Variants in MEP1A observed in about 807,000 individuals in gnomAD.
MEP1A encodes N-benzoyl-L-tyrosyl-P-amino-benzoic acid hydrolase subunit alpha.
Under a neutral mutation model 84.5 loss-of-function variants are expected in MEP1A, and 68 were observed. That is an observed-to-expected ratio of 0.80 (90% CI 0.66 to 0.98). The LOEUF is 0.98. Among genes scored for constraint, MEP1A ranks in the 50% least tolerant of loss-of-function variants. The pLI, the probability that MEP1A is intolerant of heterozygous loss-of-function variation, is 0.00. For synonymous variants in MEP1A, 337 were observed against 336.8 expected (o/e 1.00, Z -0.01); for missense variants, 887 against 919.9 (o/e 0.96, Z 0.46).
chr6:46,806,216 T>C (rs879700090), intron 5 of MEP1A, among the ~76,000 whole-genome samples: 15 of 152,062 alleles, frequency 9.9e-5, no homozygotes, highest in Non-Finnish European at 1.3e-4. Flanking sequence ...AGTTATTGCT[T>C]TTACTAATAT....
At position 46,825,237 on chromosome 6, in the gene MEP1A, G is replaced by T; in HGVS notation, c.557-35G>T. 2.1e-6 allele frequency: 3 copies of T among 1,433,496 alleles called. No homozygotes were observed. The South Asian group carries it at 3.7e-5, about 18-fold the overall frequency. 88.8% of individuals were successfully genotyped at this position (1,433,496 alleles called of 1,614,324 possible). ...AAGAGTAGCATGGGGAAAATAACAT[G>T]ACTGAGAAGGACCTGTGGATTCTCT... On this transcript the variant is annotated intron_variant, in intron 7 of 13. Coordinates refer to ENST00000230588, the MANE Select transcript of MEP1A (RefSeq NM_005588.3).
downstream of MEP1A, among the ~76,000 whole-genome samples, chr6:46,842,223 A>C (rs1182820581): frequency 6.6e-6 from 1 of 152,208 alleles, no homozygotes; most frequent in Non-Finnish European, 1.5e-5. Flanking sequence ...AAATCAGTGC[A>C]CCTTGAAAAA....
rs140833112 is a variant in MEP1A at position 46,797,848 on chromosome 6, T to C, written c.146-758T>C. On this transcript the variant is annotated intron_variant, in intron 3 of 13. Transcript: ENST00000230588. ...TTTCTTTCTTTCTTTCTCTCTCTCTTTCTTTCTTTCTTACTTTCTACCTTT... is the reference window on the plus strand; with the variant it reads ...TTTCTTTCTTTCTTTCTCTCTCTCTCTCTTTCTTTCTTACTTTCTACCTTT... Among the ~76,000 whole-genome samples, 342 of 137,444 alleles carry C rather than the reference T, an allele frequency of 2.5e-3. 3 individuals are homozygous for C. The highest frequency in any genetic ancestry group is 8.0e-3 in the African/African-American group (302 of 37,856). The allele number at this position is 137,444 out of a possible 152,430, so 90.2% of individuals were successfully genotyped here.
At chr6:46,823,586 TG>T (rs1562112766) in intron 7 of MEP1A, among the ~76,000 whole-genome samples, 2 of 152,174 alleles carry the variant, frequency 1.3e-5, no homozygotes, top group Non-Finnish European at 1.5e-5. Flanking sequence ...CACACCAGCC[TG>T]GGCAACAGAG....
rs781700681 is a variant in MEP1A, at chr6:46,833,454, A to G, written c.1525A>G (p.Thr509Ala). 7 of 1,614,192 alleles carry G rather than the reference A, an allele frequency of 4.3e-6. No homozygotes were observed. The highest frequency in any genetic ancestry group is 5.9e-6 in the Non-Finnish European group (7 of 1,180,044). The change falls in exon 11 of 14, where the codon ACC (threonine) becomes GCC (alanine). Residue 509 changes from threonine (T) to alanine (A), a missense_variant. Coordinates refer to ENST00000230588, the MANE Select transcript of MEP1A (RefSeq NM_005588.3). ...GGTAGAAAACAGACAGGTGATAATT[A>G]CCATCCTTGACCAGGAGCCTGATGT... ...WPVENRQVII[T>A]ILDQEPDVRN...
chr6:46,819,595 T>C lies in MEP1A; in HGVS notation c.447T>C (p.Tyr149=), dbSNP rs139148006. The part of the protein sequence containing the change: ...QNISIGQGCA[Y]KAIIEHEILH... The stretch of plus-strand genomic sequence containing the variant: ...TTTCCATTGGCCAAGGATGTGCCTA[T>C]AAGGCCATCATAGAACACGAGATCC... Residue 149 remains tyrosine (Y), a synonymous_variant, in exon 7 of 14, where the codon TAT becomes TAC. Transcript: ENST00000230588. 41 of 1,614,008 alleles carry C rather than the reference T, an allele frequency of 2.5e-5. No individual in the cohort carries two copies. The African/African-American group carries it at 3.5e-4, about 14-fold the overall frequency.
At chr6:46,815,356 G>A (rs1047176407) in intron 6 of MEP1A, among the ~76,000 whole-genome samples, 1 of 152,160 alleles carries the variant, frequency 6.6e-6, no homozygotes, top group African/African-American at 2.4e-5. Context: ...CATACAGGTT[G>A]CCAAGGAAGT....
Position 46,835,234 on chromosome 6 carries a change from CT to C in MEP1A, c.1784-14del. 1 of 1,570,452 alleles carries C rather than the reference CT, an allele frequency of 6.4e-7. No homozygotes were observed. The highest frequency in any genetic ancestry group is 8.6e-7 in the Non-Finnish European group (1 of 1,161,514). ...CTAATCCTGGATCTTCCTCATGACT[CT>C]CTATTTCCTGAAGATATCACCCACC... On this transcript the variant is annotated splice_polypyrimidine_tract_variant and intron_variant, in intron 12 of 13. Transcript: ENST00000230588.
intron 6 of MEP1A, among the ~76,000 whole-genome samples, chr6:46,816,137 C>T (rs1767628726): frequency 6.6e-6 from 1 of 151,844 alleles, no homozygotes; most frequent in Non-Finnish European, 1.5e-5. Context: ...GGGGTTTCAC[C>T]ATGTTGGCCA....
intron 10 of MEP1A, 100 bp downstream of exon 10, chr6:46,829,671 C>T: frequency 1.2e-6 from 1 of 830,716 alleles, no homozygotes; most frequent in East Asian, 2.5e-5. Context: ...CTTCTTCTCT[C>T]TCCTCCTCCT....
chr6:46,830,794 T>A (rs1179693186), intron 10 of MEP1A, among the ~76,000 whole-genome samples: 1 of 152,160 alleles, frequency 6.6e-6, no homozygotes, highest in African/African-American at 2.4e-5. Context: ...ACTCTACAAA[T>A]CACAGTTTTG....
intron 10 of MEP1A, 27 bp downstream of exon 10, chr6:46,829,598 T>C: frequency 6.5e-6 from 10 of 1,550,274 alleles, no homozygotes; most frequent in Non-Finnish European, 8.9e-6. Context: ...ACACGAGGAA[T>C]GGATTGGGTT....
chr6:46,833,213 A>G lies in MEP1A; in HGVS notation c.1284A>G (p.Glu428=), dbSNP rs1768116497. 1 of 1,612,998 alleles carries G rather than the reference A, an allele frequency of 6.2e-7. No individual in the cohort carries two copies. The highest frequency in any genetic ancestry group is 8.5e-7 in the Non-Finnish European group (1 of 1,179,434). The change falls in exon 11 of 14, where the codon GAA becomes GAG. Residue 428 remains glutamate (E), a synonymous_variant. Transcript: ENST00000230588. ...GIYLDDITLT[E]TPCPTGVWTV... ...ACCTAGATGACATCACTCTGACAGA[A>G]ACCCCCTGCCCCACAGGGGTCTGGA...
chr6:46,793,519 A>G, intron 1 of MEP1A, 33 bp from the exon 2 acceptor site: 1 of 1,577,004 alleles, frequency 6.3e-7, no homozygotes, highest in Non-Finnish European at 8.7e-7. Context: ...TCTAGTATAC[A>G]TTATCCATTT....
At chr6:46,844,492 C>T (rs1263444149), downstream of MEP1A, among the ~76,000 whole-genome samples, 1 of 152,128 alleles carries the variant, frequency 6.6e-6, no homozygotes, top group African/African-American at 2.4e-5. Flanking sequence ...TCACAGCATA[C>T]CTTAGGGCCT....
At chr6:46,826,126 T>A (rs1215486905) in intron 8 of MEP1A, among the ~76,000 whole-genome samples, 2 of 152,192 alleles carry the variant, frequency 1.3e-5, no homozygotes, top group Admixed American at 1.3e-4. Flanking sequence ...TGGCAGAGAA[T>A]GATTATAGTT....
At position 46,826,257 on chromosome 6, in the gene MEP1A, T is replaced by C. The variant is rs946094724; in HGVS notation, c.779-97T>C. On this transcript the variant is annotated intron_variant, in intron 8 of 13. Transcript: ENST00000230588. ...TCAAGATAACAAGCTTGTGATCCTGTCATATCTGAACAATGAGGTTTTAGT... is the reference window on the plus strand; with the variant it reads ...TCAAGATAACAAGCTTGTGATCCTGCCATATCTGAACAATGAGGTTTTAGT... The C allele has an allele frequency of 1.2e-4, 129 of 1,112,342 alleles. No individual in the cohort carries two copies. In the African/African-American group the frequency reaches 1.8e-3, roughly 15 times the overall value. The allele number at this position is 1,112,342 out of a possible 1,614,324, so 68.9% of individuals were successfully genotyped here.
At chr6:46,815,995 G>A in intron 6 of MEP1A, among the ~76,000 whole-genome samples, 1 of 152,038 alleles carries the variant, frequency 6.6e-6, no homozygotes, top group Non-Finnish European at 1.5e-5. Flanking sequence ...GGAGTACAGT[G>A]GCATGATCTC....
intron 7 of MEP1A, among the ~76,000 whole-genome samples, chr6:46,824,976 TAA>T (rs1417359900): frequency 2.3e-5 from 3 of 131,084 alleles, no homozygotes; most frequent in African/African-American, 5.9e-5. Flanking sequence ...TAAATATATA[TAA>T]ATTATATATT....
Sources: gnomAD v4.1 joint callset for allele counts (sites outside exome capture counted in the v4.1 genomes callset) on GRCh38, gnomAD v4.1.1 for gene constraint, MANE v1.5 for transcripts, NCBI Gene and HGNC (gene_info 2026-07-23, HGNC 2026-07-21) for gene names.